SETD3: variants seen among roughly 807,000 people sequenced by gnomAD.
SETD3 encodes the protein SET domain containing 3, actin N3(tau)-histidine methyltransferase.
A neutral mutation model predicts 63.0 loss-of-function variants in SETD3; 19 were observed. The ratio of observed to expected loss-of-function variants is 0.30; its 90% CI spans 0.21 to 0.44. The LOEUF (loss-of-function observed/expected upper bound fraction) is 0.44, where lower values mean the gene tolerates loss of function less well. SETD3 is among the 20% of genes least tolerant of loss of function. SETD3 has a pLI of 1.00. For synonymous variants in SETD3, 286 were observed against 264.1 expected (o/e 1.08, Z -0.80); for missense variants, 587 against 728.5 (o/e 0.81, Z 2.24).
upstream of SETD3, among the ~76,000 whole-genome samples, chr14:99,482,465 G>A (rs1896367845): frequency 6.6e-6 from 1 of 152,220 alleles, no homozygotes; most frequent in Non-Finnish European, 1.5e-5. Context: ...AGTGGTAGTA[G>A]TATTGATAGA....
chr14:99,424,955 A>G (rs1892799933), intron 6 of SETD3, among the ~76,000 whole-genome samples: 1 of 152,046 alleles, frequency 6.6e-6, no homozygotes, highest in Non-Finnish European at 1.5e-5. Context: ...AAACTTCACA[A>G]CACTCAGCAC....
upstream of SETD3, chr14:99,481,148 C>G: frequency 2.9e-6 from 1 of 346,658 alleles, no homozygotes; most frequent in Middle Eastern, 7.6e-4. Flanking sequence ...GCCTACGCGC[C>G]CAAGTTCCGT....
intron 3 of SETD3, 33 bp downstream of exon 3, chr14:99,463,453 A>G: frequency 6.5e-7 from 1 of 1,544,200 alleles, no homozygotes; most frequent in Non-Finnish European, 8.9e-7. Context: ...ACATGACATT[A>G]TTAAAATACA....
chr14:99,443,400 C>T (rs369798030), intron 6 of SETD3, among the ~76,000 whole-genome samples: 42 of 151,934 alleles, frequency 2.8e-4, no homozygotes, highest in African/African-American at 9.4e-4. Flanking sequence ...CACAGGCGCA[C>T]GCTACCAGGC....
At chr14:99,438,864 A>G (rs185575455) in intron 6 of SETD3, among the ~76,000 whole-genome samples, 39 of 152,316 alleles carry the variant, frequency 2.6e-4, no homozygotes, top group Admixed American at 9.8e-4. Flanking sequence ...TGCCTTTTAC[A>G]TCCAATACAG....
intron 6 of SETD3, among the ~76,000 whole-genome samples, chr14:99,431,204 T>TC (rs929498670): frequency 6.6e-6 from 1 of 152,140 alleles, no homozygotes; most frequent in Admixed American, 6.5e-5. Flanking sequence ...ACCAAGTGGG[T>TC]CCCTTACATT....
At chr14:99,426,608 C>T (rs1030628564) in intron 6 of SETD3, among the ~76,000 whole-genome samples, 1 of 152,172 alleles carries the variant, frequency 6.6e-6, no homozygotes, top group Non-Finnish European at 1.5e-5. Context: ...TGAACTGACT[C>T]CATATTCACC....
intron 6 of SETD3, among the ~76,000 whole-genome samples, chr14:99,433,681 C>G (rs1284789465): frequency 6.6e-6 from 1 of 152,160 alleles, no homozygotes; most frequent in Non-Finnish European, 1.5e-5. Flanking sequence ...TCATGATCCA[C>G]CTGCCTTGGC....
chr14:99,460,562 C>T (rs1369861115), intron 4 of SETD3, among the ~76,000 whole-genome samples: 1 of 152,108 alleles, frequency 6.6e-6, no homozygotes, highest in Non-Finnish European at 1.5e-5. Context: ...CCAGTTCCTT[C>T]TCCCAAACTT....
intron 11 of SETD3, among the ~76,000 whole-genome samples, chr14:99,401,207 A>C (rs941673299): frequency 6.6e-6 from 1 of 152,222 alleles, no homozygotes; most frequent in Non-Finnish European, 1.5e-5. Flanking sequence ...CAGGAATTTA[A>C]ATAGGAATTA....
intron 1 of SETD3, among the ~76,000 whole-genome samples, chr14:99,477,748 C>CA (rs5810954): frequency 0.94 from 123,152 of 130,504 alleles, 58,409 homozygotes; most frequent in East Asian, 0.99. Context: ...AACTCCATCT[C>CA]AAAAAAAAAA....
At chr14:99,459,224 C>CG in intron 4 of SETD3, 39 bp from the exon 5 acceptor site, 1 of 1,427,348 alleles carries the variant, frequency 7.0e-7, no homozygotes, top group Non-Finnish European at 9.9e-7. Context: ...CATCAAAACA[C>CG]GGTACAGTCT....
At chr14:99,459,242 A>C (rs1447206827) in intron 4 of SETD3, 57 bp from the exon 5 acceptor site, 2 of 1,232,578 alleles carry the variant, frequency 1.6e-6, no homozygotes, top group African/African-American at 3.0e-5. Flanking sequence ...TCTTCAATCC[A>C]ACCATATCTA....
intron 6 of SETD3, among the ~76,000 whole-genome samples, chr14:99,418,006 TTTAC>T (rs1218596268): frequency 6.6e-6 from 1 of 152,168 alleles, no homozygotes; most frequent in Non-Finnish European, 1.5e-5. Flanking sequence ...CAGACTGATT[TTTAC>T]TTAAAGAAAA....
chr14:99,413,960 AG>A (rs754824319), intron 6 of SETD3, 26 bp from the exon 7 acceptor site: 1 of 1,592,708 alleles, frequency 6.3e-7, no homozygotes, highest in South Asian at 1.1e-5. Flanking sequence ...TTTAGAAAGC[AG>A]AGGTGAAAAG....
chr14:99,429,990 C>G (rs943912212), intron 6 of SETD3, among the ~76,000 whole-genome samples: 1 of 152,178 alleles, frequency 6.6e-6, no homozygotes, highest in Admixed American at 6.5e-5. Context: ...GCAGTCACTA[C>G]CCCCAGCCAT....
At chr14:99,414,256 G>T (rs1163430854) in intron 6 of SETD3, among the ~76,000 whole-genome samples, 1 of 152,246 alleles carries the variant, frequency 6.6e-6, no homozygotes, top group Non-Finnish European at 1.5e-5. Context: ...ATGAGCACTG[G>T]ATCTAAGCAG....
intron 6 of SETD3, among the ~76,000 whole-genome samples, 170 bp from the exon 7 acceptor site, chr14:99,414,104 T>A (rs1272209838): frequency 6.6e-6 from 1 of 152,280 alleles, no homozygotes; most frequent in Non-Finnish European, 1.5e-5. Flanking sequence ...TATGCTCTCA[T>A]ACATCACTGT....
At chr14:99,416,505 C>T (rs1892298858) in intron 6 of SETD3, among the ~76,000 whole-genome samples, 1 of 152,182 alleles carries the variant, frequency 6.6e-6, no homozygotes, top group Admixed American at 6.5e-5. Context: ...AGAAAACGTA[C>T]TCTCTGCAGC....
Sources: allele counts gnomAD v4.1 joint callset (sites outside exome capture counted in the v4.1 genomes callset), GRCh38; gene constraint gnomAD v4.1.1; transcripts MANE v1.5; gene names NCBI Gene and HGNC (gene_info 2026-07-23, HGNC 2026-07-21).